PLCL2: variants seen among roughly 807,000 people sequenced by gnomAD.
PLCL2 encodes phospholipase C like 2.
PLCL2 carries 4 observed loss-of-function variants against 79.6 expected under a neutral mutation model. The ratio of observed to expected loss-of-function variants is 0.05; its 90% CI spans 0.02 to 0.11. The LOEUF (loss-of-function observed/expected upper bound fraction) is 0.11, where lower values mean the gene tolerates loss of function less well. PLCL2 is among the 10% of genes least tolerant of loss of function. PLCL2 has a pLI of 1.00. For missense variants in PLCL2, 895 were observed against 1,291.0 expected (o/e 0.69, Z 4.70); for synonymous variants, 484 against 457.7 (o/e 1.06, Z -0.73).
In PLCL2 at chr3:17,090,280, G is replaced by T; in HGVS notation, c.*368G>T. ...GATTGTCAAATTATTATTTATTGGA[G>T]AAAAAAACCTGATCTACACATTTTT... is the stretch of plus-strand genomic sequence containing the variant. On this transcript the variant is annotated 3_prime_UTR_variant, in exon 6 of 6. Coordinates refer to ENST00000615277, the MANE Select transcript of PLCL2 (RefSeq NM_001144382.2). The T allele has an allele frequency of 1.0e-6, 1 of 980,356 alleles. No homozygotes were observed. The highest frequency in any genetic ancestry group is 1.2e-6 in the Non-Finnish European group (1 of 824,504). 60.7% of individuals were successfully genotyped at this position (980,356 alleles called of 1,614,324 possible).
intron 1 of PLCL2, among the ~76,000 whole-genome samples, chr3:16,943,891 A>G (rs1450188916): frequency 6.6e-6 from 1 of 152,108 alleles, no homozygotes; most frequent in Non-Finnish European, 1.5e-5. Flanking sequence ...CACCCTTTGG[A>G]TCCTTGCTTA....
At chr3:16,895,979 G>A (rs1397328265) in intron 1 of PLCL2, among the ~76,000 whole-genome samples, 2 of 152,190 alleles carry the variant, frequency 1.3e-5, no homozygotes, top group Admixed American at 6.5e-5. Flanking sequence ...GGGTCCTACT[G>A]GGTGCCAGTG....
chr3:16,944,757 G>A (rs1406735402), intron 1 of PLCL2, among the ~76,000 whole-genome samples: 3 of 151,094 alleles, frequency 2.0e-5, no homozygotes, highest in Admixed American at 6.6e-5. Flanking sequence ...ATTGTACTCC[G>A]GGTTTTTTTT....
rs750079488 is a variant in PLCL2, at chr3:17,011,178, G to A, written c.1832G>A (p.Arg611Gln). 15 of 1,614,056 alleles carry A rather than the reference G, an allele frequency of 9.3e-6. No individual in the cohort carries two copies. Among genetic ancestry groups the A allele is most frequent in the Admixed American group, 5.0e-5 (3 of 60,000 alleles). Residue 611 changes from arginine to glutamine, a missense_variant, in exon 2 of 6, where the codon CGA becomes CAA. By Grantham distance (43) the Arg-to-Gln change is conservative. This residue lies in a region of PLCL2 where 242 missense variants were observed against 399.5 expected (regional missense o/e 0.61). Coordinates refer to ENST00000615277, the MANE Select transcript of PLCL2 (RefSeq NM_001144382.2). The surrounding 1 kb of genome is among the most constrained non-coding windows in gnomAD (Gnocchi z 7.9). ...CAACCCAATAATGTGCCTGTGAAGC[G>A]ATTTCAGCTTTGTAAAGAACTGTCT... ...MEQPNNVPVK[R>Q]FQLCKELSEL...
Position 17,014,576 on chromosome 3 carries a change from A to G in PLCL2, c.2815-132A>G, listed in dbSNP as rs539717471. On this transcript the variant is annotated intron_variant, in intron 2 of 5. Transcript: ENST00000615277. ...TCCCAGGATAAAACAATCATTAGCC[A>G]ATTCTGTTATAACACTGTTAATAAC... The G allele has an allele frequency of 5.9e-4, 421 of 719,560 alleles. 1 individual carries two copies. Among genetic ancestry groups the G allele is most frequent in the Non-Finnish European group, 8.7e-4 (362 of 418,496 alleles). The allele number at this position is 719,560 out of a possible 1,614,324, so 44.6% of individuals were successfully genotyped here. A position where few individuals can be genotyped will look rare whatever the true frequency, so the allele number is the denominator to read the frequency against.
intron 2 of PLCL2, among the ~76,000 whole-genome samples, chr3:17,013,335 A>G (rs1338208340): frequency 6.6e-6 from 1 of 152,232 alleles, no homozygotes; most frequent in Non-Finnish European, 1.5e-5. Context: ...ATGCACAAGC[A>G]ATCTAGGCCA....
intron 3 of PLCL2, among the ~76,000 whole-genome samples, chr3:17,021,347 C>T (rs1381021336): frequency 1.3e-5 from 2 of 152,092 alleles, no homozygotes; most frequent in Non-Finnish European, 2.9e-5. Context: ...GTTCAAGTTA[C>T]CAAGCCAGTG....
intron 1 of PLCL2, among the ~76,000 whole-genome samples, chr3:16,957,914 G>T (rs185523953): frequency 6.6e-6 from 1 of 152,054 alleles, no homozygotes; most frequent in Non-Finnish European, 1.5e-5. Flanking sequence ...TTTTGAGCCT[G>T]TGTGTGTCTC....
Position 16,930,328 on chromosome 3 carries a change from A to G in PLCL2, c.327+44962A>G, listed in dbSNP as rs541324427. Among the ~76,000 whole-genome samples, 5 of 152,332 alleles carry G rather than the reference A, an allele frequency of 3.3e-5. No homozygotes were observed. The South Asian group carries it at 1.0e-3, about 32-fold the overall frequency. On this transcript the variant is annotated intron_variant, in intron 1 of 5. Transcript: ENST00000615277. ...TTTGAGGGAGCGTTCCAAGTTCATA[A>G]ATACTTGTGGCTGAGAGAAAACAAT...
chr3:17,045,579 G>T (rs554779583), intron 4 of PLCL2, among the ~76,000 whole-genome samples: 1 of 152,148 alleles, frequency 6.6e-6, no homozygotes, highest in African/African-American at 2.4e-5. Flanking sequence ...GAAACAACTC[G>T]GAGATGCGCA....
In PLCL2 at chr3:16,887,934, A is replaced by T. The variant is rs747164587; in HGVS notation, c.327+2568A>T. ...GGTCTCTGAGTAGAGGCAGGAGTAGATTAGTAAGCAAGGTGATAATTGGGG... is the reference window on the plus strand; with the variant it reads ...GGTCTCTGAGTAGAGGCAGGAGTAGTTTAGTAAGCAAGGTGATAATTGGGG... On this transcript the variant is annotated intron_variant, in intron 1 of 5. Coordinates refer to ENST00000615277, the MANE Select transcript of PLCL2 (RefSeq NM_001144382.2). The surrounding 1 kb of genome is among the most constrained non-coding windows in gnomAD (Gnocchi z 4.1). 2.0e-5 allele frequency among the ~76,000 whole-genome samples: 3 copies of T among 152,098 alleles called. No homozygotes were observed. The highest frequency in any genetic ancestry group is 4.4e-5 in the Non-Finnish European group (3 of 68,014).
At chr3:17,008,979 G>T (rs1020051863) in intron 1 of PLCL2, among the ~76,000 whole-genome samples, 24 of 151,568 alleles carry the variant, frequency 1.6e-4, no homozygotes, top group Non-Finnish European at 2.9e-4. Flanking sequence ...CACCATATCT[G>T]GCTAATTAAT....
At chr3:16,908,874 C>A (rs1696810356) in intron 1 of PLCL2, among the ~76,000 whole-genome samples, 1 of 152,088 alleles carries the variant, frequency 6.6e-6, no homozygotes, top group African/African-American at 2.4e-5. Flanking sequence ...TATAATGTAT[C>A]AACATACATT....
chr3:17,080,882 G>A (rs576147900), intron 5 of PLCL2, among the ~76,000 whole-genome samples: 8 of 152,366 alleles, frequency 5.3e-5, no homozygotes, highest in Admixed American at 3.3e-4. Flanking sequence ...GAAAAATGTA[G>A]TGTGTGTTTC....
At chr3:16,930,203 C>A (rs1370886882) in intron 1 of PLCL2, among the ~76,000 whole-genome samples, 1 of 152,094 alleles carries the variant, frequency 6.6e-6, no homozygotes, top group Non-Finnish European at 1.5e-5. Context: ...TTTATTATTT[C>A]TCCATTTAAC....
chr3:16,994,572 A>G (rs561165315), intron 1 of PLCL2, among the ~76,000 whole-genome samples: 5 of 152,318 alleles, frequency 3.3e-5, no homozygotes, highest in African/African-American at 1.2e-4. Context: ...TTACTCATTA[A>G]TTTTGCAAAG....
intron 1 of PLCL2, among the ~76,000 whole-genome samples, chr3:16,942,417 C>T (rs190739539): frequency 5.3e-5 from 8 of 151,870 alleles, no homozygotes; most frequent in Non-Finnish European, 5.9e-5. Context: ...TATCAACTTC[C>T]CATTACCTTT....
At position 17,010,314 on chromosome 3, in the gene PLCL2, G is replaced by A. The variant is rs762056969; in HGVS notation, c.968G>A (p.Gly323Asp). Residue 323 changes from glycine (G) to aspartate (D), a missense_variant, in exon 2 of 6, where the codon GGT becomes GAT. Transcript: ENST00000615277. The surrounding 1 kb of genome is among the most constrained non-coding windows in gnomAD (Gnocchi z 5.8). ...KELHKSKDKA[G>D]TEVTKEEFIE... ...TTGCATAAATCAAAGGACAAAGCTG[G>A]TACCGAGGTCACAAAGGAAGAATTT... is the stretch of plus-strand genomic sequence containing the variant. 20 of 1,614,056 alleles carry A rather than the reference G, an allele frequency of 1.2e-5. No homozygotes were observed. The East Asian group carries it at 4.2e-4, about 34-fold the overall frequency.
chr3:17,085,671 G>A (rs977725675), intron 5 of PLCL2, among the ~76,000 whole-genome samples: 8 of 148,946 alleles, frequency 5.4e-5, no homozygotes, highest in Admixed American at 2.0e-4. Flanking sequence ...GGATGGTCTC[G>A]ATCTCCTGAC....
Sources: gnomAD v4.1 joint callset for allele counts (sites outside exome capture counted in the v4.1 genomes callset) on GRCh38, gnomAD v4.1.1 for gene constraint, gnomAD v4.1.1 regional missense constraint, Gnocchi (gnomAD v3.1) non-coding constraint, MANE v1.5 for transcripts, NCBI Gene and HGNC (gene_info 2026-07-23, HGNC 2026-07-21) for gene names.